Variants in COLGALT1 observed in about 807,000 individuals in gnomAD.
The protein encoded by COLGALT1 is procollagen galactosyltransferase 1.
Under a neutral mutation model 60.8 loss-of-function variants are expected in COLGALT1, and 43 were observed. That is an observed-to-expected ratio of 0.71 (90% CI 0.55 to 0.91). COLGALT1 has a LOEUF of 0.91. Among genes scored for constraint, COLGALT1 ranks in the 40% least tolerant of loss-of-function variants. The pLI, the probability that COLGALT1 is intolerant of heterozygous loss-of-function variation, is 0.00. For synonymous variants in COLGALT1, 369 were observed against 374.2 expected, an observed-to-expected ratio of 0.99 and a Z score of 0.16; for missense variants, 845 against 880.0, an observed-to-expected ratio of 0.96 and a Z score of 0.50.
At chr19:17,577,848 A>G in intron 8 of COLGALT1, 109 bp from the exon 9 acceptor site, 2 of 1,441,290 alleles carry the variant, frequency 1.4e-6, no homozygotes, top group East Asian at 2.3e-5. Context: ...CCAGTGCTAC[A>G]AGAGGTGGAC....
intron 4 of COLGALT1, among the ~76,000 whole-genome samples, chr19:17,568,204 T>A (rs933359920): frequency 1.3e-5 from 2 of 152,206 alleles, no homozygotes; most frequent in African/African-American, 4.8e-5. Flanking sequence ...GGGTTCATTC[T>A]CAGACAGCTT....
chr19:17,577,069 GGAGCCAGGTCGACTTTGTGGGCC>G (rs2076347469), intron 6 of COLGALT1, 103 bp from the exon 7 acceptor site: 1 of 852,114 alleles, frequency 1.2e-6, no homozygotes, highest in African/African-American at 1.7e-5. Context: ...TGATGTGGGC[GGAGCCAGGTCGACTTTGTGGGCC>G]GAGCCAGTCT....
Position 17,581,223 on chromosome 19 carries a change from T to C in COLGALT1, c.1648T>C (p.Ser550Pro), listed in dbSNP as rs1568483348. ...CTCCCTCCGCAACCTGCATGCCTTC[T>C]CTGTGGAGCCGCTGCTCATCTACCC... ...HFSLRNLHAF[S>P]VEPLLIYPTH... Residue 550 changes from serine (S) to proline (P), a missense_variant, in exon 12 of 12, where the codon TCT (serine) becomes CCT (proline). Ser to Pro is a moderately conservative substitution (Grantham distance 74). Transcript: ENST00000252599. 1.2e-6 allele frequency: 2 copies of C among 1,609,026 alleles called. No individual in the cohort carries two copies. Among genetic ancestry groups the C allele is most frequent in the Non-Finnish European group, 1.7e-6 (2 of 1,179,432 alleles).
chr19:17,568,232 C>T (rs1005088491), intron 4 of COLGALT1, among the ~76,000 whole-genome samples: 2 of 152,168 alleles, frequency 1.3e-5, no homozygotes, highest in African/African-American at 2.4e-5. Context: ...ATCCCAGCAG[C>T]GTCTAGCCAT....
chr19:17,563,183 G>GTT (rs2076258919), intron 3 of COLGALT1, among the ~76,000 whole-genome samples: 2 of 137,820 alleles, frequency 1.5e-5, no homozygotes, highest in Admixed American at 7.6e-5. Flanking sequence ...ATATTTTCGT[G>GTT]TTTCTTTTTT....
At chr19:17,558,052 C>T (rs2076223988) in intron 1 of COLGALT1, among the ~76,000 whole-genome samples, 1 of 152,132 alleles carries the variant, frequency 6.6e-6, no homozygotes, top group African/African-American at 2.4e-5. Flanking sequence ...ATTCTCCTGC[C>T]TCGGCCTCCT....
intron 1 of COLGALT1, 98 bp downstream of exon 1, chr19:17,556,071 CT>C: frequency 8.3e-7 from 1 of 1,210,096 alleles, no homozygotes; most frequent in Non-Finnish European, 1.0e-6. Flanking sequence ...CCGCTGTCCT[CT>C]TCTGGGCGGG....
rs1007345009 is a variant in COLGALT1, at chr19:17,577,537, C to T, written c.1133+70C>T. 5.3e-6 allele frequency: 7 copies of T among 1,330,198 alleles called. 1 individual carries two copies. In the African/African-American group the frequency reaches 8.9e-5, roughly 17 times the overall value. 82.4% of individuals were successfully genotyped at this position (1,330,198 alleles called of 1,614,324 possible). ...TGTGGGTGTAGACCTCGCTGGTAGA[C>T]GGCAAGTGATTCAGATGGGGGCGGG... On this transcript the variant is annotated intron_variant, in intron 8 of 11. Transcript: ENST00000252599.
At position 17,567,482 on chromosome 19, in the gene COLGALT1, C is replaced by T. The variant is rs1317761576; in HGVS notation, c.566C>T (p.Ala189Val). 1.9e-6 allele frequency: 3 copies of T among 1,614,000 alleles called. No homozygotes were observed. In the African/African-American group the frequency reaches 4.0e-5, roughly 22 times the overall value. The change falls in exon 4 of 12, where the codon GCC becomes GTC. Residue 189 changes from alanine (A) to valine (V), a missense_variant. Physicochemically the swap from Ala to Val is moderately conservative, Grantham distance 64. Transcript: ENST00000252599. ...LLIAENKTVV[A>V]PMLDSRAAYS... Reference sequence around the variant, plus strand: ...ATCGCTGAGAACAAGACGGTGGTCGCCCCCATGCTGGATTCCCGGGCTGCG... The same window carrying T: ...ATCGCTGAGAACAAGACGGTGGTCGTCCCCATGCTGGATTCCCGGGCTGCG...
chr19:17,563,510 C>T (rs892746549), intron 3 of COLGALT1, among the ~76,000 whole-genome samples: 34 of 152,186 alleles, frequency 2.2e-4, no homozygotes, highest in African/African-American at 7.0e-4. Context: ...CCACAACACC[C>T]GGCTAATTTT....
intron 3 of COLGALT1, among the ~76,000 whole-genome samples, chr19:17,565,301 A>C (rs1482781624): frequency 1.3e-5 from 2 of 151,918 alleles, no homozygotes; most frequent in Admixed American, 6.6e-5. Context: ...AATTACAGGC[A>C]TGTGTCACCA....
Position 17,581,287 on chromosome 19 carries a change from C to T in COLGALT1, c.1712C>T (p.Thr571Ile). The change falls in exon 12 of 12, where the codon ACC becomes ATC. Residue 571 changes from threonine to isoleucine, a missense_variant. Thr to Ile is a moderately conservative substitution (Grantham distance 89). Transcript: ENST00000252599. Reference sequence around the variant, plus strand: ...GGAGACGATGGCTATGTGAGTGACACCGAGACCTCAGTCGTATGGAACAAT... The same window carrying T: ...GGAGACGATGGCTATGTGAGTGACATCGAGACCTCAGTCGTATGGAACAAT... ...YTGDDGYVSD[T>I]ETSVVWNNEH... The T allele has an allele frequency of 6.2e-7, 1 of 1,612,812 alleles. No homozygotes were observed. The highest frequency in any genetic ancestry group is 8.5e-7 in the Non-Finnish European group (1 of 1,180,008).
chr19:17,559,707 C>T (rs765425513), intron 2 of COLGALT1, among the ~76,000 whole-genome samples: 18 of 152,146 alleles, frequency 1.2e-4, no homozygotes, highest in Non-Finnish European at 1.9e-4. Flanking sequence ...CAGTCTTGGT[C>T]CCAGCACTGG....
chr19:17,576,155 A>G (rs978055799), intron 6 of COLGALT1, among the ~76,000 whole-genome samples: 3 of 152,188 alleles, frequency 2.0e-5, no homozygotes, highest in African/African-American at 7.2e-5. Flanking sequence ...CTAGGGGCCC[A>G]GTGTGAGCAG....
At chr19:17,574,155 C>T (rs1599790490) in intron 6 of COLGALT1, among the ~76,000 whole-genome samples, 1 of 152,132 alleles carries the variant, frequency 6.6e-6, no homozygotes, top group South Asian at 2.1e-4. Flanking sequence ...CGCAGAAAGC[C>T]CTGCCAAAGC....
intron 3 of COLGALT1, among the ~76,000 whole-genome samples, chr19:17,566,986 A>C (rs2076282924): frequency 6.6e-6 from 1 of 151,974 alleles, no homozygotes. Context: ...GTGATGGTGC[A>C]CGGCTGTAGT....
At chr19:17,559,234 G>A in intron 1 of COLGALT1, 77 bp from the exon 2 acceptor site, 1 of 979,622 alleles carries the variant, frequency 1.0e-6, no homozygotes, top group Non-Finnish European at 1.6e-6. Context: ...TGGGGATGGT[G>A]GTCCTTGACT....
At chr19:17,556,069 C>T (rs2076209105) in intron 1 of COLGALT1, 96 bp downstream of exon 1, 2 of 1,213,656 alleles carry the variant, frequency 1.6e-6, no homozygotes, top group Non-Finnish European at 1.0e-6. Flanking sequence ...GCCCGCTGTC[C>T]TCTTCTGGGC....
chr19:17,557,261 A>T (rs184519945), intron 1 of COLGALT1, among the ~76,000 whole-genome samples: 1 of 149,282 alleles, frequency 6.7e-6, no homozygotes, highest in African/African-American at 2.6e-5. Context: ...ACAGGAGAAG[A>T]TGAAGGCAGG....
Sources: allele counts gnomAD v4.1 joint callset (sites outside exome capture counted in the v4.1 genomes callset), GRCh38; gene constraint gnomAD v4.1.1; transcripts MANE v1.5; gene names NCBI Gene and HGNC (gene_info 2026-07-23, HGNC 2026-07-21).